ADARB2: variants seen among roughly 807,000 people sequenced by gnomAD.
ADARB2 encodes the protein adenosine deaminase RNA specific B2 (inactive).
Under a neutral mutation model 62.2 loss-of-function variants are expected in ADARB2, and 25 were observed. The ratio of observed to expected loss-of-function variants is 0.40; its 90% CI spans 0.29 to 0.56. The LOEUF (loss-of-function observed/expected upper bound fraction) is 0.56. Among genes scored for constraint, ADARB2 ranks in the 20% least tolerant of loss-of-function variants. The probability of loss-of-function intolerance (pLI) is 0.43; values close to 1 mark genes in which losing one functional copy is unlikely to be tolerated. For synonymous variants in ADARB2, 572 were observed against 500.8 expected (o/e 1.14, Z -1.90); for missense variants, 1,071 against 1,077.4 (o/e 0.99, Z 0.08).
At chr10:1,473,762 T>C (rs995245773) in intron 1 of ADARB2, among the ~76,000 whole-genome samples, 35 of 152,212 alleles carry the variant, frequency 2.3e-4, no homozygotes, top group African/African-American at 7.5e-4. Context: ...GGGAAATTTA[T>C]TGGACTCATG....
chr10:1,706,827 A>T (rs1403374119), intron 1 of ADARB2, among the ~76,000 whole-genome samples: 2 of 152,350 alleles, frequency 1.3e-5, no homozygotes, highest in East Asian at 3.9e-4. Flanking sequence ...GATGGGGAAC[A>T]AAAGAATCAC....
intron 3 of ADARB2, among the ~76,000 whole-genome samples, chr10:1,282,743 T>C (rs910868460): frequency 6.6e-6 from 1 of 152,240 alleles, no homozygotes; most frequent in African/African-American, 2.4e-5. Context: ...ATTTTTTGCA[T>C]GCAAATTACA....
chr10:1,584,228 C>G (rs1014415864), intron 1 of ADARB2, among the ~76,000 whole-genome samples: 1 of 152,146 alleles, frequency 6.6e-6, no homozygotes, highest in South Asian at 2.1e-4. Context: ...ATATAAAGGA[C>G]AGTTAAAACT....
Position 1,262,059 on chromosome 10 carries a change from G to T in ADARB2, c.1192+8896C>A, listed in dbSNP as rs1009224706. On this transcript the variant is annotated intron_variant, in intron 4 of 9. Transcript: ENST00000381312. ...TCGCAAGAACAAACAACCAAACACC[G>T]CATATTCTCACTCATAGGTGGGAAT... is the stretch of plus-strand genomic sequence containing the variant. Among the ~76,000 whole-genome samples the T allele has an allele frequency of 9.1e-5, 13 of 143,638 alleles. 1 individual carries two copies. The highest frequency in any genetic ancestry group is 3.6e-4 in the African/African-American group (13 of 36,592). The allele number at this position is 143,638 out of a possible 152,430, so 94.2% of individuals were successfully genotyped here. A position where few individuals can be genotyped will look rare whatever the true frequency, so the allele number is the denominator to read the frequency against.
chr10:1,567,175 G>T (rs61831959), intron 1 of ADARB2, among the ~76,000 whole-genome samples: 10,282 of 150,884 alleles, frequency 0.068, 460 homozygotes, highest in Non-Finnish European at 0.1. Context: ...AAGTCTGTGG[G>T]TCCTCCCCCC....
intron 1 of ADARB2, among the ~76,000 whole-genome samples, chr10:1,479,243 C>A (rs140804447): frequency 3.3e-5 from 5 of 152,208 alleles, no homozygotes; most frequent in African/African-American, 1.2e-4. Flanking sequence ...GAGTGAGGAC[C>A]GGGGGTACAG....
chr10:1,487,626 G>A (rs927652514), intron 1 of ADARB2, among the ~76,000 whole-genome samples: 1 of 152,222 alleles, frequency 6.6e-6, no homozygotes, highest in Admixed American at 6.5e-5. Context: ...TTCCTAAAGT[G>A]TAGTTGGAAT....
At chr10:1,486,366 A>G (rs1831542902) in intron 1 of ADARB2, among the ~76,000 whole-genome samples, 1 of 152,194 alleles carries the variant, frequency 6.6e-6, no homozygotes, top group Admixed American at 6.5e-5. Context: ...CAGATCATTA[A>G]TATATTCTAC....
At chr10:1,266,153 C>G (rs185899429) in intron 4 of ADARB2, among the ~76,000 whole-genome samples, 1 of 152,194 alleles carries the variant, frequency 6.6e-6, no homozygotes, top group Non-Finnish European at 1.5e-5. Context: ...ACACGGTCCA[C>G]GCCCTCTGAG....
At chr10:1,480,931 C>A (rs1484798709) in intron 1 of ADARB2, among the ~76,000 whole-genome samples, 4 of 152,104 alleles carry the variant, frequency 2.6e-5, no homozygotes, top group African/African-American at 9.7e-5. Flanking sequence ...CTATCAACAT[C>A]CCAAGGACTT....
At chr10:1,532,417 G>T (rs1301039160) in intron 1 of ADARB2, among the ~76,000 whole-genome samples, 1 of 152,128 alleles carries the variant, frequency 6.6e-6, no homozygotes, top group African/African-American at 2.4e-5. Flanking sequence ...CTGGCTCCCC[G>T]TGTCTGTTCA....
At chr10:1,713,040 T>C (rs867754197) in intron 1 of ADARB2, among the ~76,000 whole-genome samples, 1 of 152,208 alleles carries the variant, frequency 6.6e-6, no homozygotes, top group African/African-American at 2.4e-5. Flanking sequence ...TCATTTCCAC[T>C]TGTCAACTAG....
chr10:1,376,046 A>G (rs1359719676), intron 2 of ADARB2, among the ~76,000 whole-genome samples: 2 of 151,874 alleles, frequency 1.3e-5, no homozygotes, highest in East Asian at 3.9e-4. Context: ...TGCACGTACC[A>G]CACACCACAC....
At chr10:1,592,513 G>A (rs71500147) in intron 1 of ADARB2, among the ~76,000 whole-genome samples, 317 of 4,504 alleles carry the variant, frequency 0.07, 18 homozygotes, top group East Asian at 0.2. Context: ...AGCTTCCCTC[G>A]CCCAAGCCAC....
chr10:1,404,727 G>A (rs924694128), intron 1 of ADARB2, among the ~76,000 whole-genome samples: 2 of 152,280 alleles, frequency 1.3e-5, no homozygotes, highest in East Asian at 1.9e-4. Context: ...CCGTTTGACC[G>A]GCCAACAGTG....
intron 1 of ADARB2, among the ~76,000 whole-genome samples, chr10:1,708,376 C>T (rs191817128): frequency 1.5e-3 from 230 of 152,290 alleles, no homozygotes; most frequent in African/African-American, 4.8e-3. Flanking sequence ...GCCCAATCTG[C>T]TCCTCAAAGG....
chr10:1,234,128 A>C (rs1208477790), intron 5 of ADARB2, among the ~76,000 whole-genome samples: 1 of 151,938 alleles, frequency 6.6e-6, no homozygotes, highest in Non-Finnish European at 1.5e-5. Flanking sequence ...AGCTGGGATT[A>C]CAGGCATGCG....
At chr10:1,269,554 C>G (rs950049038) in intron 4 of ADARB2, among the ~76,000 whole-genome samples, 1 of 152,186 alleles carries the variant, frequency 6.6e-6, no homozygotes, top group African/African-American at 2.4e-5. Flanking sequence ...TTGCTGTTAT[C>G]CCCATTTTAA....
intron 4 of ADARB2, among the ~76,000 whole-genome samples, chr10:1,252,808 C>T (rs1831048226): frequency 1.3e-5 from 2 of 152,118 alleles, no homozygotes; most frequent in African/African-American, 4.8e-5. Context: ...AAGGAAACAG[C>T]TTTGCTTTTG....
Sources: gnomAD v4.1 joint callset for allele counts (sites outside exome capture counted in the v4.1 genomes callset) on GRCh38, gnomAD v4.1.1 for gene constraint, MANE v1.5 for transcripts, NCBI Gene and HGNC (gene_info 2026-07-23, HGNC 2026-07-21) for gene names.